FRMD4B: variants seen among roughly 807,000 people sequenced by gnomAD.
FRMD4B encodes FERM domain containing 4B.
Under a neutral mutation model 141.5 loss-of-function variants are expected in FRMD4B, and 74 were observed. The ratio of observed to expected loss-of-function variants is 0.52; its 90% CI spans 0.43 to 0.63. The LOEUF is 0.63. Ranked by LOEUF, FRMD4B falls within the 30% of genes least tolerant of loss-of-function variation. FRMD4B has a pLI of 0.00. For synonymous variants in FRMD4B, 506 were observed against 467.9 expected, an observed-to-expected ratio of 1.08 and a Z score of -1.05; for missense variants, 1,366 against 1,253.4, an observed-to-expected ratio of 1.09 and a Z score of -1.36.
intron 10 of FRMD4B, among the ~76,000 whole-genome samples, chr3:69,217,258 T>C (rs980293899): frequency 6.6e-6 from 1 of 152,242 alleles, no homozygotes; most frequent in African/African-American, 2.4e-5. Context: ...AAGAATATAC[T>C]GACACAGGAA....
intron 1 of FRMD4B, among the ~76,000 whole-genome samples, chr3:69,356,708 C>T (rs1233465961): frequency 1.3e-5 from 2 of 151,112 alleles, no homozygotes; most frequent in South Asian, 2.1e-4. Flanking sequence ...ACCCCATACC[C>T]ATTAGTCATA....
chr3:69,481,043 C>G (rs1017400019), intron 1 of FRMD4B, among the ~76,000 whole-genome samples: 29 of 152,286 alleles, frequency 1.9e-4, no homozygotes, highest in African/African-American at 6.7e-4. Context: ...CCTGGTGCGC[C>G]GTTTTTTAAG....
intron 1 of FRMD4B, among the ~76,000 whole-genome samples, chr3:69,533,992 G>C (rs1701043845): frequency 6.6e-6 from 1 of 152,140 alleles, no homozygotes; most frequent in African/African-American, 2.4e-5. Context: ...CTGATCCCTT[G>C]CTACACAAAG....
intron 7 of FRMD4B, among the ~76,000 whole-genome samples, chr3:69,245,467 C>T (rs77734460): frequency 4.6e-5 from 7 of 151,910 alleles, no homozygotes; most frequent in African/African-American, 1.7e-4. Flanking sequence ...GTGTCTCAGC[C>T]TCCTCAGGAG....
intron 5 of FRMD4B, among the ~76,000 whole-genome samples, chr3:69,284,047 T>C (rs1363358435): frequency 1.3e-5 from 2 of 151,196 alleles, no homozygotes; most frequent in East Asian, 1.9e-4. Context: ...GCAACGAAGA[T>C]AGTGAACCTT....
chr3:69,267,335 A>G lies in FRMD4B; in HGVS notation c.502-17236T>C, dbSNP rs930533516. Among the ~76,000 whole-genome samples the G allele has an allele frequency of 2.6e-5, 4 of 152,230 alleles. No homozygotes were observed. The East Asian group carries it at 7.7e-4, about 29-fold the overall frequency. On this transcript the variant is annotated intron_variant, in intron 5 of 22. Transcript: ENST00000398540. ...AGGAGACTTTAGAGTTATACCCACT[A>G]AATGCAATGTGTGACCCTGAATTGG...
chr3:69,360,983 C>T (rs1483196308), intron 1 of FRMD4B, among the ~76,000 whole-genome samples: 3 of 151,838 alleles, frequency 2.0e-5, no homozygotes, highest in African/African-American at 7.3e-5. Flanking sequence ...AATTGGTTAC[C>T]CAGTAGTATA....
intron 1 of FRMD4B, among the ~76,000 whole-genome samples, chr3:69,528,298 CCTT>C (rs1700960786): frequency 6.8e-6 from 1 of 146,070 alleles, no homozygotes; most frequent in East Asian, 2.2e-4. Flanking sequence ...TTTCTTCCTT[CCTT>C]CCTTCCTTTC....
intron 1 of FRMD4B, among the ~76,000 whole-genome samples, chr3:69,346,466 AG>A (rs1702946708): frequency 6.6e-6 from 1 of 152,176 alleles, no homozygotes; most frequent in African/African-American, 2.4e-5. Context: ...CTTCAAATTC[AG>A]GAAATACAGA....
chr3:69,263,396 C>CTTTTT lies in FRMD4B; in HGVS notation c.502-13302_502-13298dup, dbSNP rs67497031. Among the ~76,000 whole-genome samples, 400 of 72,900 alleles carry CTTTTT rather than the reference C, an allele frequency of 5.5e-3. 36 individuals are homozygous for CTTTTT. The highest frequency in any genetic ancestry group is 0.02 in the African/African-American group (349 of 17,204). The allele number at this position is 72,900 out of a possible 152,430, so 47.8% of individuals were successfully genotyped here. On this transcript the variant is annotated intron_variant, in intron 5 of 22. Coordinates refer to ENST00000398540, the MANE Select transcript of FRMD4B (RefSeq NM_015123.3). ...GATGCTAGTTTGCTAGTTACATGCA[C>CTTTTT]TTTTTTTTTTTTTTTTTTTTTTTTG...
intron 1 of FRMD4B, chr3:69,472,497 G>T: frequency 3.1e-6 from 1 of 323,954 alleles, no homozygotes. Flanking sequence ...TTCTTTCAAA[G>T]CTTTGGATTC....
At chr3:69,440,598 A>C (rs952845185) in intron 1 of FRMD4B, among the ~76,000 whole-genome samples, 2 of 152,206 alleles carry the variant, frequency 1.3e-5, no homozygotes, top group Non-Finnish European at 2.9e-5. Flanking sequence ...TGAGGCCAGG[A>C]GCTTGAGATC....
At chr3:69,200,467 C>T (rs1004061220) in intron 11 of FRMD4B, 33 of 992,874 alleles carry the variant, frequency 3.3e-5, no homozygotes, top group Non-Finnish European at 4.0e-5. Context: ...CCTCAGGGTT[C>T]TTCCGCCCTC....
chr3:69,401,891 A>C (rs1368542679), intron 2 of FRMD4B, among the ~76,000 whole-genome samples: 1 of 152,200 alleles, frequency 6.6e-6, no homozygotes, highest in Non-Finnish European at 1.5e-5. Flanking sequence ...AGGGGTCAAC[A>C]AGAGGAGATA....
intron 1 of FRMD4B, among the ~76,000 whole-genome samples, chr3:69,348,956 G>T (rs1287494833): frequency 6.6e-6 from 1 of 152,166 alleles, no homozygotes; most frequent in Non-Finnish European, 1.5e-5. Flanking sequence ...TCAACATAGT[G>T]TTGGAAGTTC....
At chr3:69,328,190 C>T (rs201073694) in intron 1 of FRMD4B, among the ~76,000 whole-genome samples, 1 of 148,994 alleles carries the variant, frequency 6.7e-6, no homozygotes, top group Admixed American at 6.6e-5. Flanking sequence ...CTAATATGAA[C>T]TTACAATGAA....
intron 17 of FRMD4B, among the ~76,000 whole-genome samples, chr3:69,193,294 A>C (rs1260642047): frequency 6.6e-6 from 1 of 152,138 alleles, no homozygotes; most frequent in Non-Finnish European, 1.5e-5. Context: ...GGATCACCTG[A>C]GATCAGGAGT....
intron 1 of FRMD4B, among the ~76,000 whole-genome samples, chr3:69,526,833 AG>A (rs1408540494): frequency 6.6e-6 from 1 of 152,198 alleles, no homozygotes; most frequent in African/African-American, 2.4e-5. Context: ...AAGGTTAAAA[AG>A]GTGGTTAAGT....
At chr3:69,337,846 G>T (rs538780403) in intron 1 of FRMD4B, among the ~76,000 whole-genome samples, 2,623 of 152,270 alleles carry the variant, frequency 0.017, 92 homozygotes, top group African/African-American at 0.059. Context: ...GGAACACTTT[G>T]ACACTGTTGG....
Sources: gnomAD v4.1 joint callset for allele counts (sites outside exome capture counted in the v4.1 genomes callset) on GRCh38, gnomAD v4.1.1 for gene constraint, MANE v1.5 for transcripts, NCBI Gene and HGNC (gene_info 2026-07-23, HGNC 2026-07-21) for gene names.